DFFB: variants seen among roughly 807,000 people sequenced by gnomAD.
The protein encoded by DFFB is DNA fragmentation factor 40 kDa subunit.
In DFFB, 29 loss-of-function variants were observed where a neutral mutation model predicts 32.7. That is an observed-to-expected ratio of 0.89 (90% confidence interval 0.66 to 1.21). DFFB has a LOEUF of 1.21. DFFB is among the 50% of genes most tolerant of loss of function. The pLI, the probability that DFFB is intolerant of heterozygous loss-of-function variation, is 0.00. For missense variants in DFFB, 398 were observed against 440.6 expected (o/e 0.90, Z 0.87); for synonymous variants, 170 against 177.1 (o/e 0.96, Z 0.32).
At chr1:3,872,868 G>A in intron 6 of DFFB, 1 of 1,194,662 alleles carries the variant, frequency 8.4e-7, no homozygotes, top group Non-Finnish European at 1.1e-6. Context: ...CTGGTGGGCA[G>A]CGTCCTTCCC....
intron 2 of DFFB, among the ~76,000 whole-genome samples, chr1:3,862,763 C>T (rs755924588): frequency 6.6e-6 from 1 of 152,168 alleles, no homozygotes; most frequent in Non-Finnish European, 1.5e-5. Flanking sequence ...GCGATAAGTC[C>T]TCATCGCCTT....
rs188081108 is a variant in DFFB, at chr1:3,877,895, G to A, written c.782+5323G>A. Among the ~76,000 whole-genome samples the A allele has an allele frequency of 5.7e-3, 874 of 152,136 alleles. 7 individuals carry two copies. Among genetic ancestry groups the A allele is most frequent in the African/African-American group, 0.02 (827 of 41,496 alleles). ...GCCGGCTTTCTCTCGGTCCTGTGGCGTTTCCACCCCTTTCCTTTGGCCTTT... is the reference window on the plus strand; with the variant it reads ...GCCGGCTTTCTCTCGGTCCTGTGGCATTTCCACCCCTTTCCTTTGGCCTTT... On this transcript the variant is annotated intron_variant, in intron 6 of 6. Coordinates refer to ENST00000378209, the MANE Select transcript of DFFB (RefSeq NM_004402.4).
At chr1:3,870,249 T>C (rs148225795) in intron 5 of DFFB, among the ~76,000 whole-genome samples, 1 of 152,124 alleles carries the variant, frequency 6.6e-6, no homozygotes, top group African/African-American at 2.4e-5. Context: ...GGCACACCCC[T>C]CCCCCTCCCA....
At chr1:3,871,790 C>T (rs780317518) in intron 5 of DFFB, among the ~76,000 whole-genome samples, 2 of 152,168 alleles carry the variant, frequency 1.3e-5, no homozygotes, top group African/African-American at 2.4e-5. Context: ...GGAAGCATGG[C>T]GCTGGCATCT....
rs554064228 is a variant in DFFB, at chr1:3,876,290, T to C, written c.782+3718T>C. The stretch of plus-strand genomic sequence containing the variant: ...AGACCATTGCAGGTGGGGACATCAA[T>C]CTAGGGGACACAATCAGCATTTACA... On this transcript the variant is annotated intron_variant, in intron 6 of 6. Transcript: ENST00000378209. 1.4e-4 allele frequency among the ~76,000 whole-genome samples: 22 copies of C among 152,274 alleles called. 1 individual carries two copies. The highest frequency in any genetic ancestry group is 5.3e-4 in the African/African-American group (22 of 41,544).
At chr1:3,876,679 G>A (rs1012469178) in intron 6 of DFFB, among the ~76,000 whole-genome samples, 4 of 152,226 alleles carry the variant, frequency 2.6e-5, no homozygotes, top group Admixed American at 6.5e-5. Context: ...GGGAAGGTTC[G>A]AGAAGAATTT....
At position 3,869,763 on chromosome 1, in the gene DFFB, G is replaced by A; in HGVS notation, c.669G>A (p.Trp223Ter). 1 of 1,604,918 alleles carries A rather than the reference G, an allele frequency of 6.2e-7. No homozygotes were observed. The highest frequency in any genetic ancestry group is 8.5e-7 in the Non-Finnish European group (1 of 1,173,882). Residue 223 changes from tryptophan (W) to a stop codon, truncating the protein, a stop_gained, in exon 5 of 7, where the codon TGG becomes TGA. Coordinates refer to ENST00000378209, the MANE Select transcript of DFFB (RefSeq NM_004402.4). LOFTEE classifies it high-confidence loss of function. The part of the protein sequence containing the change: ...GGSRLCTPEG[W>*]FSCQGPFDMD... ...GCCGCCTCTGCACACCGGAAGGCTG[G>A]TTCTCCTGCCAGGTGAGCTGTGTGC...
chr1:3,862,577 G>A (rs1644898826), intron 2 of DFFB, among the ~76,000 whole-genome samples: 1 of 152,154 alleles, frequency 6.6e-6, no homozygotes, highest in African/African-American at 2.4e-5. Flanking sequence ...AGGATGCCAG[G>A]ACCATTCAAC....
chr1:3,881,475 G>A (rs1314588792), intron 6 of DFFB, among the ~76,000 whole-genome samples: 1 of 152,226 alleles, frequency 6.6e-6, no homozygotes, highest in Non-Finnish European at 1.5e-5. Flanking sequence ...TCAGGGACTG[G>A]AACCCTGGTA....
intron 5 of DFFB, 34 bp downstream of exon 5, chr1:3,869,809 G>T: frequency 6.4e-7 from 1 of 1,559,026 alleles, no homozygotes; most frequent in South Asian, 1.2e-5. Context: ...GGGGCCACCC[G>T]GCTGGCCTGT....
chr1:3,863,155 A>T (rs1477286725), intron 2 of DFFB, among the ~76,000 whole-genome samples: 1 of 152,228 alleles, frequency 6.6e-6, no homozygotes, highest in African/African-American at 2.4e-5. Flanking sequence ...CGGGACTTGC[A>T]TCAGAATATA....
chr1:3,868,543 AC>A (rs987961073), intron 4 of DFFB, among the ~76,000 whole-genome samples: 1 of 89,090 alleles, frequency 1.1e-5, no homozygotes, highest in African/African-American at 4.8e-5. Flanking sequence ...ATTTCCATCC[AC>A]CCCATCGAAT....
At chr1:3,878,298 C>T (rs912426968) in intron 6 of DFFB, among the ~76,000 whole-genome samples, 6 of 152,070 alleles carry the variant, frequency 3.9e-5, no homozygotes, top group African/African-American at 1.2e-4. Flanking sequence ...ATTACAGGCA[C>T]CTGCCACCAT....
chr1:3,869,903 C>T (rs1645077457), intron 5 of DFFB, 128 bp downstream of exon 5: 1 of 982,128 alleles, frequency 1.0e-6, no homozygotes, highest in Admixed American at 3.0e-5. Flanking sequence ...GAGGTACAGC[C>T]CTCACATTCC....
At position 3,879,145 on chromosome 1, in the gene DFFB, T is replaced by A. The variant is rs1645285312; in HGVS notation, c.783-4362T>A. 2.0e-5 allele frequency among the ~76,000 whole-genome samples: 3 copies of A among 152,208 alleles called. No homozygotes were observed. The South Asian group carries it at 6.2e-4, about 32-fold the overall frequency. On this transcript the variant is annotated intron_variant, in intron 6 of 6. Transcript: ENST00000378209. ...TCTCCTCCTCTTGGAAAATGATAAG[T>A]ATCTAGGTAGAGCTCTTTCTTTTGG...
intron 3 of DFFB, 97 bp from the exon 4 acceptor site, chr1:3,867,877 T>A: frequency 9.7e-7 from 1 of 1,033,098 alleles, no homozygotes. Context: ...ATGACCCTCA[T>A]ATTCTGCCCT....
chr1:3,876,458 A>G (rs1305759268), intron 6 of DFFB, among the ~76,000 whole-genome samples: 1 of 152,198 alleles, frequency 6.6e-6, no homozygotes, highest in African/African-American at 2.4e-5. Context: ...CACACAGATA[A>G]GTGTGTTGGG....
In DFFB at chr1:3,884,241, T is replaced by G. The variant is rs1638288479; in HGVS notation, c.*500T>G. On this transcript the variant is annotated 3_prime_UTR_variant, in exon 7 of 7. Transcript: ENST00000378209. ...CTTCCAGAGGACAGCTCTGGGGTACTCGTTGGATGTCTGTGAGTACCTGGT... is the reference window on the plus strand; with the variant it reads ...CTTCCAGAGGACAGCTCTGGGGTACGCGTTGGATGTCTGTGAGTACCTGGT... 5.8e-6 allele frequency: 1 copy of G among 173,286 alleles called. No homozygotes were observed. The highest frequency in any genetic ancestry group is 1.3e-4 in the South Asian group (1 of 7,462). 10.7% of individuals were successfully genotyped at this position (173,286 alleles called of 1,614,324 possible). A position where few individuals can be genotyped will look rare whatever the true frequency, so the allele number is the denominator to read the frequency against.
intron 2 of DFFB, among the ~76,000 whole-genome samples, chr1:3,859,921 CT>C (rs1644846447): frequency 6.6e-6 from 1 of 152,074 alleles, no homozygotes; most frequent in Admixed American, 6.6e-5. Flanking sequence ...CTCTCTGTCT[CT>C]CCCTGCATCT....
Sources: gnomAD v4.1 joint callset for allele counts (sites outside exome capture counted in the v4.1 genomes callset) on GRCh38, gnomAD v4.1.1 for gene constraint, MANE v1.5 for transcripts, NCBI Gene and HGNC (gene_info 2026-07-23, HGNC 2026-07-21) for gene names.